LRP1B: variants seen among roughly 807,000 people sequenced by gnomAD.
LRP1B encodes the protein LDL receptor related protein 1B, also known as low-density lipoprotein receptor-related protein 1B.
Under a neutral mutation model 556.6 loss-of-function variants are expected in LRP1B, and 217 were observed. The observed-to-expected ratio is 0.39, with a 90% CI of 0.35 to 0.44. LRP1B has a LOEUF of 0.44. Among genes scored for constraint, LRP1B ranks in the 20% least tolerant of loss-of-function variants. The pLI, the probability that LRP1B is intolerant of heterozygous loss-of-function variation, is 1.00. For synonymous variants in LRP1B, 2,047 were observed against 1,865.8 expected (o/e 1.10, Z -2.50); for missense variants, 5,053 against 5,620.8 (o/e 0.90, Z 3.23).
rs542275221 is a variant in LRP1B, at chr2:140,433,535, C to A, written c.10414+8969G>T. On this transcript the variant is annotated intron_variant, in intron 66 of 90. Coordinates refer to ENST00000389484, the MANE Select transcript of LRP1B (RefSeq NM_018557.3). The stretch of plus-strand genomic sequence containing the variant: ...GCATTTAATACGAATTGTTAGCACA[C>A]CACTTCTAAAGAATTGATTTTAATG... 5.3e-5 allele frequency among the ~76,000 whole-genome samples: 8 copies of A among 152,264 alleles called. No homozygotes were observed. In the South Asian group the frequency reaches 1.7e-3, roughly 32 times the overall value.
intron 7 of LRP1B, among the ~76,000 whole-genome samples, chr2:141,067,391 C>G (rs898197801): frequency 2.0e-5 from 3 of 151,902 alleles, no homozygotes; most frequent in Non-Finnish European, 4.4e-5. Context: ...ATTTATTGAT[C>G]TTTACTTGTT....
chr2:140,817,357 A>G (rs555525995), intron 31 of LRP1B, among the ~76,000 whole-genome samples: 6 of 152,068 alleles, frequency 3.9e-5, no homozygotes, highest in African/African-American at 1.4e-4. Flanking sequence ...TAAGAAAAAA[A>G]TATATGAAAA....
chr2:140,798,156 G>A (rs1319318683), intron 32 of LRP1B, among the ~76,000 whole-genome samples: 1 of 152,068 alleles, frequency 6.6e-6, no homozygotes, highest in African/African-American at 2.4e-5. Flanking sequence ...GCTACCTAAG[G>A]ACAGGGAATT....
At chr2:140,771,984 G>T (rs959819897) in intron 33 of LRP1B, among the ~76,000 whole-genome samples, 1 of 152,058 alleles carries the variant, frequency 6.6e-6, no homozygotes, top group Non-Finnish European at 1.5e-5. Context: ...TTGTTCAATC[G>T]AACCTGTCAT....
At chr2:141,812,232 C>T (rs1374849069) in intron 1 of LRP1B, among the ~76,000 whole-genome samples, 1 of 151,954 alleles carries the variant, frequency 6.6e-6, no homozygotes, top group South Asian at 2.1e-4. Flanking sequence ...GAATAAAATT[C>T]AAATTATTTT....
At chr2:141,576,442 C>T (rs1686747622) in intron 2 of LRP1B, among the ~76,000 whole-genome samples, 1 of 151,964 alleles carries the variant, frequency 6.6e-6, no homozygotes, top group Non-Finnish European at 1.5e-5. Flanking sequence ...TACACCAGGG[C>T]CTGTTGGGGA....
At chr2:140,523,024 C>G (rs1238285370) in intron 49 of LRP1B, among the ~76,000 whole-genome samples, 5 of 151,994 alleles carry the variant, frequency 3.3e-5, no homozygotes, top group Non-Finnish European at 7.4e-5. Flanking sequence ...TGAGATTTCT[C>G]CCTAACTCAT....
chr2:141,189,936 GAAAGAAAGAAAGAAAAGGAAGA>G (rs1681431489), intron 6 of LRP1B, among the ~76,000 whole-genome samples: 1 of 151,716 alleles, frequency 6.6e-6, no homozygotes, highest in African/African-American at 2.4e-5. Context: ...TCCTTTAGAA[GAAAGAAAGAAAGAAAAGGAAGA>G]AAAGAAAGAA....
At chr2:140,432,119 G>A (rs561666935) in intron 66 of LRP1B, among the ~76,000 whole-genome samples, 136 of 152,136 alleles carry the variant, frequency 8.9e-4, no homozygotes, top group African/African-American at 2.9e-3. Context: ...GCCTGTTCCT[G>A]CCTTAACTGA....
intron 31 of LRP1B, among the ~76,000 whole-genome samples, chr2:140,835,600 C>T (rs573576908): frequency 5.3e-5 from 8 of 152,210 alleles, no homozygotes; most frequent in Admixed American, 2.6e-4. Flanking sequence ...TGCAATGGCA[C>T]GACTTTGGCT....
intron 1 of LRP1B, among the ~76,000 whole-genome samples, chr2:141,847,344 T>C (rs1238210140): frequency 6.6e-6 from 1 of 151,574 alleles, no homozygotes; most frequent in Non-Finnish European, 1.5e-5. Flanking sequence ...ATGATATGGC[T>C]ACATACTGTA....
intron 78 of LRP1B, 102 bp from the exon 79 acceptor site, chr2:140,334,661 A>AC: frequency 1.7e-6 from 1 of 595,454 alleles, no homozygotes; most frequent in Non-Finnish European, 3.0e-6. Flanking sequence ...CCTCAGAATC[A>AC]CCCCAGAGTC....
intron 1 of LRP1B, among the ~76,000 whole-genome samples, chr2:141,932,052 A>G (rs1027419290): frequency 5.3e-5 from 8 of 152,122 alleles, no homozygotes; most frequent in African/African-American, 1.7e-4. Flanking sequence ...GGACTAGATT[A>G]GGAAGAGTCC....
chr2:141,239,398 A>G (rs1683779760), intron 5 of LRP1B, among the ~76,000 whole-genome samples: 1 of 152,112 alleles, frequency 6.6e-6, no homozygotes, highest in Non-Finnish European at 1.5e-5. Flanking sequence ...TTTTCTATGC[A>G]GGAAAAAGAA....
intron 3 of LRP1B, among the ~76,000 whole-genome samples, chr2:141,451,117 C>A (rs1015574572): frequency 6.6e-6 from 1 of 152,156 alleles, no homozygotes; most frequent in Non-Finnish European, 1.5e-5. Flanking sequence ...ACGACTGAGG[C>A]TAATGCTGAA....
rs1165784332 is a variant in LRP1B, at chr2:141,239,995, C to T, written c.592+7231G>A. 5.9e-5 allele frequency among the ~76,000 whole-genome samples: 9 copies of T among 151,962 alleles called. No homozygotes were observed. In the South Asian group the frequency reaches 1.9e-3, roughly 32 times the overall value. ...TTCTAGCTACTTTATCAGCTATGTT[C>T]TTTGTAACTTGATGTTCTAAATATC... On this transcript the variant is annotated intron_variant, in intron 5 of 90. Coordinates refer to ENST00000389484, the MANE Select transcript of LRP1B (RefSeq NM_018557.3).
chr2:140,902,312 G>T (rs1166664378), intron 23 of LRP1B, among the ~76,000 whole-genome samples: 1 of 151,954 alleles, frequency 6.6e-6, no homozygotes, highest in Non-Finnish European at 1.5e-5. Context: ...CTTACAACAT[G>T]CTATAAGCAA....
At chr2:141,591,339 G>GT (rs763188284) in intron 2 of LRP1B, among the ~76,000 whole-genome samples, 155 of 66,250 alleles carry the variant, frequency 2.3e-3, no homozygotes, top group Middle Eastern at 0.01. Context: ...TTTAGTACTG[G>GT]TTTTTTTTTG....
At chr2:141,223,697 G>A (rs183075592) in intron 6 of LRP1B, among the ~76,000 whole-genome samples, 3 of 152,136 alleles carry the variant, frequency 2.0e-5, no homozygotes, top group African/African-American at 7.2e-5. Flanking sequence ...ACAGACCAGT[G>A]GAACAGAATA....
Sources: allele counts gnomAD v4.1 joint callset (sites outside exome capture counted in the v4.1 genomes callset), GRCh38; gene constraint gnomAD v4.1.1; transcripts MANE v1.5; gene names NCBI Gene and HGNC (gene_info 2026-07-23, HGNC 2026-07-21).